MAST4: variants seen among roughly 807,000 people sequenced by gnomAD.
The protein encoded by MAST4 is microtubule associated serine/threonine kinase family member 4.
MAST4 carries 89 observed loss-of-function variants against 162.7 expected under a neutral mutation model. The ratio of observed to expected loss-of-function variants is 0.55; its 90% CI spans 0.46 to 0.65. The LOEUF (loss-of-function observed/expected upper bound fraction) is 0.65. Among genes scored for constraint, MAST4 ranks in the 30% least tolerant of loss-of-function variants. The probability of loss-of-function intolerance (pLI) is 0.00; values close to 1 mark genes in which losing one functional copy is unlikely to be tolerated. For missense variants in MAST4, 3,153 were observed against 3,374.0 expected, an observed-to-expected ratio of 0.93 and a Z score of 1.62; for synonymous variants, 1,479 against 1,361.1, an observed-to-expected ratio of 1.09 and a Z score of -1.91.
chr5:66,982,931 A>G (rs1207115582), intron 4 of MAST4, among the ~76,000 whole-genome samples: 1 of 152,224 alleles, frequency 6.6e-6, no homozygotes, highest in East Asian at 1.9e-4. Flanking sequence ...TAGTTTTCAT[A>G]TCAATCTGAA....
At position 66,884,770 on chromosome 5, in the gene MAST4, C is replaced by G. The variant is rs112813160; in HGVS notation, c.643-15181C>G. On this transcript the variant is annotated intron_variant, in intron 3 of 28. Coordinates refer to ENST00000403625, the MANE Select transcript of MAST4 (RefSeq NM_001164664.2). ...CGGCTAGCCGCCTAGACTGCAATTG[C>G]AAGGAAAGGTCAATCAATATATTAC... Among the ~76,000 whole-genome samples, 1,155 of 152,298 alleles carry G rather than the reference C, an allele frequency of 7.6e-3. 20 individuals are homozygous for G. The highest frequency in any genetic ancestry group is 0.026 in the African/African-American group (1,093 of 41,558).
chr5:66,921,170 T>G (rs1287625378), intron 4 of MAST4, among the ~76,000 whole-genome samples: 2 of 152,196 alleles, frequency 1.3e-5, no homozygotes, highest in African/African-American at 4.8e-5. Context: ...AAAAATCATG[T>G]GTGTTGATTT....
chr5:66,691,256 T>C (rs558210443), intron 1 of MAST4, among the ~76,000 whole-genome samples: 3 of 152,340 alleles, frequency 2.0e-5, no homozygotes, highest in South Asian at 2.1e-4. Context: ...CCTTTGGAGA[T>C]GGTTTATTAA....
At chr5:66,873,688 T>C (rs1451213343) in intron 3 of MAST4, among the ~76,000 whole-genome samples, 1 of 152,204 alleles carries the variant, frequency 6.6e-6, no homozygotes, top group African/African-American at 2.4e-5. Flanking sequence ...TTTTCTCATC[T>C]ATGAGGAGAG....
chr5:66,757,479 TA>T (rs1442899993), intron 1 of MAST4, among the ~76,000 whole-genome samples: 2 of 152,258 alleles, frequency 1.3e-5, no homozygotes, highest in Non-Finnish European at 2.9e-5. Context: ...ATGTTAAGTC[TA>T]CCTGATATAA....
intron 1 of MAST4, among the ~76,000 whole-genome samples, chr5:66,724,825 G>A (rs1344655362): frequency 6.6e-6 from 1 of 151,936 alleles, no homozygotes; most frequent in Non-Finnish European, 1.5e-5. Flanking sequence ...TATGTGGGCT[G>A]TGGTTGGTTG....
intron 4 of MAST4, among the ~76,000 whole-genome samples, chr5:66,926,578 A>T (rs1165534832): frequency 6.6e-6 from 1 of 151,556 alleles, no homozygotes; most frequent in Non-Finnish European, 1.5e-5. Context: ...ATATATATAC[A>T]CACACACACA....
At chr5:67,112,564 A>G (rs1766374634) in intron 11 of MAST4, among the ~76,000 whole-genome samples, 1 of 152,152 alleles carries the variant, frequency 6.6e-6, no homozygotes. Flanking sequence ...AGTTTGCTAG[A>G]GTGGTTCACA....
intron 5 of MAST4, among the ~76,000 whole-genome samples, chr5:67,064,933 T>C (rs931906067): frequency 1.4e-4 from 22 of 152,154 alleles, no homozygotes; most frequent in Non-Finnish European, 1.3e-4. Context: ...AAAAATACAA[T>C]TGGAAATTAA....
chr5:67,145,310 G>A lies in MAST4; in HGVS notation c.3025G>A (p.Glu1009Lys), dbSNP rs1396044718. ...EEPGKPALPP[E>K]ECAQEEPEVT... ...GCCAGGAAAGCCAGCCCTTCCTCCTGAAGAGTGTGCCCAGGAGGAGCCTGA... is the reference window on the plus strand; with the variant it reads ...GCCAGGAAAGCCAGCCCTTCCTCCTAAAGAGTGTGCCCAGGAGGAGCCTGA... The change falls in exon 23 of 29, where the codon GAA (glutamate) becomes AAA (lysine). Residue 1009 changes from glutamate to lysine, a missense_variant. Physicochemically the swap from Glu to Lys is moderately conservative, Grantham distance 56. This residue lies in a region of MAST4 where 619 missense variants were observed against 744.2 expected (regional missense o/e 0.83). Transcript: ENST00000403625. 1.9e-6 allele frequency: 3 copies of A among 1,613,800 alleles called. No individual in the cohort carries two copies. Among genetic ancestry groups the A allele is most frequent in the Admixed American group, 1.7e-5 (1 of 60,020 alleles).
chr5:66,799,875 T>C (rs542208273), intron 3 of MAST4, among the ~76,000 whole-genome samples: 4 of 152,212 alleles, frequency 2.6e-5, no homozygotes, highest in Non-Finnish European at 5.9e-5. Context: ...ATAACCTTCC[T>C]GTGCATCTGG....
In MAST4 at chr5:66,685,422, A is replaced by T. The variant is rs1211487027; in HGVS notation, c.364-74287A>T. Among the ~76,000 whole-genome samples the T allele has an allele frequency of 3.3e-5, 5 of 152,184 alleles. No individual in the cohort carries two copies. The East Asian group carries it at 9.6e-4, about 29-fold the overall frequency. ...AAGGATCAGAATATAAAAGAGCTGG[A>T]AGAAATTCATAGGGATTAACAAAAC... is the stretch of plus-strand genomic sequence containing the variant. On this transcript the variant is annotated intron_variant, in intron 1 of 28. Coordinates refer to ENST00000403625, the MANE Select transcript of MAST4 (RefSeq NM_001164664.2).
In MAST4 at chr5:67,118,749, T is replaced by G; in HGVS notation, c.1659T>G (p.Ser553Arg). The G allele has an allele frequency of 6.5e-7, 1 of 1,533,078 alleles. No individual in the cohort carries two copies. Among genetic ancestry groups the G allele is most frequent in the African/African-American group, 1.4e-5 (1 of 73,042 alleles). The allele number at this position is 1,533,078 out of a possible 1,614,324, so 95.0% of individuals were successfully genotyped here. The change falls in exon 13 of 29, where the codon AGT (serine) becomes AGG (arginine). Residue 553 changes from serine to arginine, a missense_variant and splice_region_variant. Ser to Arg is a moderately radical substitution (Grantham distance 110, BLOSUM62 -1). Coordinates refer to ENST00000403625, the MANE Select transcript of MAST4 (RefSeq NM_001164664.2). ...CACCAGAAACAGATGAATCAGTGAG[T>G]GTAAGTATATTTCTTGATGAAATAT... ...AETPETDESV[S>R]SSNASLKLRR...
intron 3 of MAST4, among the ~76,000 whole-genome samples, chr5:66,833,463 G>T (rs779500385): frequency 1.3e-5 from 2 of 152,110 alleles, no homozygotes; most frequent in Non-Finnish European, 2.9e-5. Context: ...ATCCTCCTAT[G>T]ACTTTTCCTG....
intron 6 of MAST4, among the ~76,000 whole-genome samples, chr5:67,093,325 C>T (rs1306335726): frequency 6.6e-6 from 1 of 152,118 alleles, no homozygotes; most frequent in South Asian, 2.1e-4. Context: ...TCTTGTCTTC[C>T]TATAACATTT....
intron 3 of MAST4, among the ~76,000 whole-genome samples, chr5:66,840,867 C>A (rs1758375531): frequency 6.6e-6 from 1 of 152,106 alleles, no homozygotes; most frequent in African/African-American, 2.4e-5. Context: ...TGAGAATAAG[C>A]CACTAAGTTT....
At chr5:66,785,564 G>T (rs761085633) in intron 2 of MAST4, among the ~76,000 whole-genome samples, 24 of 152,076 alleles carry the variant, frequency 1.6e-4, no homozygotes, top group Non-Finnish European at 8.8e-5. Flanking sequence ...TATCCCATAC[G>T]ATTGTTAGGA....
chr5:67,155,505 G>A (rs930454470), intron 26 of MAST4, among the ~76,000 whole-genome samples: 2 of 152,224 alleles, frequency 1.3e-5, no homozygotes, highest in African/African-American at 4.8e-5. Flanking sequence ...CAATTAGCCA[G>A]GCTTAACTTC....
At chr5:66,782,960 GTGTATCA>G (rs1464935765) in intron 2 of MAST4, among the ~76,000 whole-genome samples, 1 of 152,184 alleles carries the variant, frequency 6.6e-6, no homozygotes, top group African/African-American at 2.4e-5. Flanking sequence ...ACTATCAACT[GTGTATCA>G]TGTTAGTGCC....
Sources: gnomAD v4.1 joint callset for allele counts (sites outside exome capture counted in the v4.1 genomes callset) on GRCh38, gnomAD v4.1.1 for gene constraint, gnomAD v4.1.1 regional missense constraint, MANE v1.5 for transcripts, NCBI Gene and HGNC (gene_info 2026-07-23, HGNC 2026-07-21) for gene names.